COL18A1: variants seen among roughly 807,000 people sequenced by gnomAD.
The protein encoded by COL18A1 is collagen type XVIII alpha 1 chain.
Under a neutral mutation model 168.0 loss-of-function variants are expected in COL18A1, and 133 were observed. That is an observed-to-expected ratio of 0.79 (90% CI 0.69 to 0.91). COL18A1 has a LOEUF of 0.91. Among genes scored for constraint, COL18A1 ranks in the 40% least tolerant of loss-of-function variants. The probability of loss-of-function intolerance (pLI) is 0.00; values close to 1 mark genes in which losing one functional copy is unlikely to be tolerated. For missense variants in COL18A1, 2,126 were observed against 1,925.4 expected, an observed-to-expected ratio of 1.10 and a Z score of -1.95; for synonymous variants, 949 against 809.0, an observed-to-expected ratio of 1.17 and a Z score of -2.94.
At chr21:45,482,720 G>T in intron 14 of COL18A1, 75 bp from the exon 15 acceptor site, 1 of 1,611,442 alleles carries the variant, frequency 6.2e-7, no homozygotes, top group South Asian at 1.1e-5. Context: ...ACAGTTCCTG[G>T]CAGGGCGATG....
At chr21:45,483,517 G>A (rs546240087) in intron 15 of COL18A1, among the ~76,000 whole-genome samples, 1 of 152,004 alleles carries the variant, frequency 6.6e-6, no homozygotes, top group South Asian at 2.1e-4. Flanking sequence ...AGCTGGAGGA[G>A]GAGCTAGAAC....
Position 45,480,150 on chromosome 21 carries a change from C to A in COL18A1, c.1392C>A (p.Asp464Glu). ...PGPPGPSFRH[D>E]KLTFIDMEGS... The stretch of plus-strand genomic sequence containing the variant: ...CCCCAGGACCCTCCTTCAGACACGA[C>A]AAGCTGGTAAGTCCCGCCCTTGGCT... Residue 464 changes from aspartate to glutamate, a missense_variant, in exon 11 of 42, where the codon GAC becomes GAA. Transcript: ENST00000651438. The A allele has an allele frequency of 6.4e-7, 1 of 1,571,294 alleles. No individual in the cohort carries two copies. Among genetic ancestry groups the A allele is most frequent in the Non-Finnish European group, 8.8e-7 (1 of 1,142,770 alleles).
intron 2 of COL18A1, among the ~76,000 whole-genome samples, chr21:45,436,862 G>A (rs1188384744): frequency 6.6e-6 from 1 of 151,064 alleles, no homozygotes; most frequent in East Asian, 1.9e-4. Context: ...CTGTGACTGG[G>A]GAGTTGCTGG....
rs577107035 is a variant in COL18A1 at position 45,506,286 on chromosome 21, G to A, written c.3216+320G>A. ...CCGATAATAAGACAAGGCGCCTGACGGGACGAGGCGGCAGGGGGGCTCAGG... is the reference window on the plus strand; with the variant it reads ...CCGATAATAAGACAAGGCGCCTGACAGGACGAGGCGGCAGGGGGGCTCAGG... On this transcript the variant is annotated intron_variant, in intron 37 of 41. Transcript: ENST00000651438. The A allele has an allele frequency of 5.5e-5, 21 of 384,218 alleles. No homozygotes were observed. The East Asian group carries it at 8.7e-4, about 16-fold the overall frequency. The allele number at this position is 384,218 out of a possible 1,614,324, so 23.8% of individuals were successfully genotyped here.
rs377444691 is a variant in COL18A1 at position 45,496,501 on chromosome 21, G to C, written c.2510G>C (p.Gly837Ala). The C allele has an allele frequency of 8.3e-5, 117 of 1,404,162 alleles. No homozygotes were observed. In the South Asian group the frequency reaches 1.3e-3, roughly 16 times the overall value. 87.0% of individuals were successfully genotyped at this position (1,404,162 alleles called of 1,614,324 possible). A position where few individuals can be genotyped will look rare whatever the true frequency, so the allele number is the denominator to read the frequency against. Residue 837 changes from glycine to alanine, a missense_variant and splice_region_variant, in exon 30 of 42, where the codon GGA becomes GCA. Transcript: ENST00000651438. ...GDASLGFGMR[G>A]MPGPPGPPGP... ...AACAGCTCTCTGCCCTCCCCACAGG[G>C]AATGCCCGGCCCCCCAGGACCTCCA... is the stretch of plus-strand genomic sequence containing the variant.
At chr21:45,495,098 G>C in intron 28 of COL18A1, 183 bp downstream of exon 28, 1 of 663,450 alleles carries the variant, frequency 1.5e-6, no homozygotes, top group East Asian at 2.7e-5. Context: ...AGTACCCCAC[G>C]AGGGGCCAGT....
At position 45,497,657 on chromosome 21, in the gene COL18A1, A is replaced by T; in HGVS notation, c.2679A>T (p.Pro893=). The part of the protein sequence containing the change: ...GAKGEVGPPG[P]PGQFPFDFLQ... ...AAGGAGAAGTGGGCCCCCCCGGACC[A>T]CCAGGTGAGCAACTCTGGACATCCC... The change falls in exon 32 of 42, where the codon CCA becomes CCT. Residue 893 remains proline, a synonymous_variant. Coordinates refer to ENST00000651438, the MANE Select transcript of COL18A1 (RefSeq NM_001379500.1). The T allele has an allele frequency of 6.4e-7, 1 of 1,566,516 alleles. No homozygotes were observed. Among genetic ancestry groups the T allele is most frequent in the Non-Finnish European group, 8.7e-7 (1 of 1,156,032 alleles).
chr21:45,498,486 G>C lies in COL18A1; in HGVS notation c.2683+825G>C. 1 of 715,048 alleles carries C rather than the reference G, an allele frequency of 1.4e-6. No individual in the cohort carries two copies. Among genetic ancestry groups the C allele is most frequent in the South Asian group, 1.5e-5 (1 of 67,500 alleles). 44.3% of individuals were successfully genotyped at this position (715,048 alleles called of 1,614,324 possible). A position where few individuals can be genotyped will look rare whatever the true frequency, so the allele number is the denominator to read the frequency against. ...GCCACGGTCCCCGCTCGCCGCCAGG[G>C]TCCCCTCTCGCTGCCAGGGTCCTCT... On this transcript the variant is annotated intron_variant, in intron 32 of 41. Coordinates refer to ENST00000651438, the MANE Select transcript of COL18A1 (RefSeq NM_001379500.1). The surrounding 1 kb of genome is among the most constrained non-coding windows in gnomAD (Gnocchi z 4.5).
intron 2 of COL18A1, among the ~76,000 whole-genome samples, chr21:45,447,345 T>G (rs1163553823): frequency 1.3e-5 from 2 of 152,096 alleles, no homozygotes; most frequent in Non-Finnish European, 2.9e-5. Flanking sequence ...AACCAATAAA[T>G]GAGCTCAACA....
At chr21:45,431,026 T>C (rs2033944462) in intron 2 of COL18A1, among the ~76,000 whole-genome samples, 1 of 152,240 alleles carries the variant, frequency 6.6e-6, no homozygotes, top group African/African-American at 2.4e-5. Flanking sequence ...CGAGCAGGAC[T>C]GTTCTCAGGC....
At chr21:45,460,361 ACG>A (rs1381737947) in intron 2 of COL18A1, among the ~76,000 whole-genome samples, 1 of 152,082 alleles carries the variant, frequency 6.6e-6, no homozygotes, top group Non-Finnish European at 1.5e-5. Flanking sequence ...GTCCACACAC[ACG>A]CCGGCCAAGT....
At chr21:45,439,675 C>A (rs1786391534) in intron 2 of COL18A1, among the ~76,000 whole-genome samples, 1 of 152,246 alleles carries the variant, frequency 6.6e-6, no homozygotes, top group African/African-American at 2.4e-5. Flanking sequence ...CGGCCGTGTT[C>A]AGAGCGTGTT....
rs928588113 is a variant in COL18A1 at position 45,505,685 on chromosome 21, C to T, written c.3088-153C>T. On this transcript the variant is annotated intron_variant, in intron 36 of 41. Transcript: ENST00000651438. ...GCAGGAGCTGGCGGCAGGCAGGGGT[C>T]CCCATGGTGCTCATGGGGGCAGCCG... 7.1e-6 allele frequency: 5 copies of T among 700,608 alleles called. No individual in the cohort carries two copies. In the Admixed American group the frequency reaches 8.7e-5, roughly 12 times the overall value. 43.4% of individuals were successfully genotyped at this position (700,608 alleles called of 1,614,324 possible).
intron 2 of COL18A1, among the ~76,000 whole-genome samples, chr21:45,453,424 C>T (rs539304191): frequency 2.0e-5 from 3 of 152,274 alleles, no homozygotes; most frequent in East Asian, 3.9e-4. Flanking sequence ...TGAGCATGTG[C>T]GTACACATGC....
chr21:45,448,201 G>A (rs372473437), intron 2 of COL18A1, among the ~76,000 whole-genome samples: 4 of 152,244 alleles, frequency 2.6e-5, no homozygotes, highest in African/African-American at 9.6e-5. Flanking sequence ...ATCAGAAAAC[G>A]CTCATACACA....
intron 6 of COL18A1, among the ~76,000 whole-genome samples, chr21:45,477,165 A>G (rs2236459): frequency 0.37 from 56,859 of 151,814 alleles, 11,405 homozygotes; most frequent in African/African-American, 0.53. Context: ...CATCTCCCAG[A>G]CTTCAGCTGT....
chr21:45,414,310 C>T (rs1237044511), intron 2 of COL18A1, among the ~76,000 whole-genome samples: 1 of 152,204 alleles, frequency 6.6e-6, no homozygotes, highest in Non-Finnish European at 1.5e-5. Context: ...CATCTTGATG[C>T]GGGGTCTCTG....
intron 40 of COL18A1, among the ~76,000 whole-genome samples, chr21:45,510,637 C>A (rs957455110): frequency 6.6e-6 from 1 of 152,220 alleles, no homozygotes; most frequent in African/African-American, 2.4e-5. Flanking sequence ...TAGTGCCATG[C>A]GGGCTGGTGG....
intron 29 of COL18A1, chr21:45,496,160 C>G (rs1290275534): frequency 2.1e-6 from 1 of 474,720 alleles, no homozygotes; most frequent in East Asian, 4.8e-5. Context: ...CCAAAGGTGT[C>G]CACTCTGCTG....
Sources: gnomAD v4.1 joint callset for allele counts (sites outside exome capture counted in the v4.1 genomes callset) on GRCh38, gnomAD v4.1.1 for gene constraint, Gnocchi (gnomAD v3.1) non-coding constraint, MANE v1.5 for transcripts, NCBI Gene and HGNC (gene_info 2026-07-23, HGNC 2026-07-21) for gene names.